The following ZNF462 variants were observed in gnomAD, a reference collection of about 807,000 sequenced individuals.
ZNF462 encodes zinc finger PBX1-interacting protein.
A neutral mutation model predicts 201.9 loss-of-function variants in ZNF462; 10 were observed. That is an observed-to-expected ratio of 0.05 (90% CI 0.03 to 0.08). ZNF462 has a LOEUF of 0.08. ZNF462 is among the 10% of genes least tolerant of loss of function. The pLI is 1.00. For synonymous variants in ZNF462, 1,227 were observed against 1,193.3 expected, an observed-to-expected ratio of 1.03 and a Z score of -0.58; for missense variants, 2,523 against 3,168.3, an observed-to-expected ratio of 0.80 and a Z score of 4.89.
chr9:106,869,841 A>G (rs919454610), intron 1 of ZNF462, among the ~76,000 whole-genome samples: 1 of 152,194 alleles, frequency 6.6e-6, no homozygotes, highest in African/African-American at 2.4e-5. Context: ...ACCCAGGAGA[A>G]GTTTCCAAAT....
Position 106,890,781 on chromosome 9 carries a change from C to T in ZNF462, c.-31+27426C>T, listed in dbSNP as rs1025016623. 6.6e-6 allele frequency among the ~76,000 whole-genome samples: 1 copy of T among 152,156 alleles called. No homozygotes were observed. The highest frequency in any genetic ancestry group is 6.5e-5 in the Admixed American group (1 of 15,272). On this transcript the variant is annotated intron_variant, in intron 1 of 12. Transcript: ENST00000277225. This position sits in a 1 kb window ranked among gnomAD's most constrained non-coding sequence, Gnocchi z 4.2. ...AAACAATATTGCATCGTAGGGAGTG[C>T]ATAGTAGACTATGTTGTTCAATTAT... is the stretch of plus-strand genomic sequence containing the variant.
At chr9:106,914,622 G>C (rs1347028085) in intron 1 of ZNF462, among the ~76,000 whole-genome samples, 1 of 152,132 alleles carries the variant, frequency 6.6e-6, no homozygotes, top group African/African-American at 2.4e-5. Context: ...ATATTTCTGA[G>C]TACCTGTTGA....
At chr9:106,965,742 A>T in intron 7 of ZNF462, among the ~76,000 whole-genome samples, 1 of 152,110 alleles carries the variant, frequency 6.6e-6, no homozygotes, top group East Asian at 1.9e-4. Flanking sequence ...TTTCAGCTTT[A>T]GATGAAGACT....
rs1207124017 is a variant in ZNF462 at position 106,966,236 on chromosome 9, C to G, written c.6428-5769C>G. 6.6e-6 allele frequency among the ~76,000 whole-genome samples: 1 copy of G among 152,066 alleles called. No homozygotes were observed. Among genetic ancestry groups the G allele is most frequent in the Non-Finnish European group, 1.5e-5 (1 of 67,986 alleles). ...AAATTGTCCCTTACACAACCTACCC[C>G]ACCCTCTGATGTACATGTTTTTCTG... On this transcript the variant is annotated intron_variant, in intron 7 of 12. Transcript: ENST00000277225. This position sits in a 1 kb window ranked among gnomAD's most constrained non-coding sequence, Gnocchi z 4.4.
chr9:106,873,044 A>T lies in ZNF462; in HGVS notation c.-31+9689A>T, dbSNP rs893140401. Among the ~76,000 whole-genome samples, 3 of 152,212 alleles carry T rather than the reference A, an allele frequency of 2.0e-5. No individual in the cohort carries two copies. In the South Asian group the frequency reaches 6.2e-4, roughly 32 times the overall value. ...CACATGGAGTGGGGACTGCCTCCAG[A>T]GGCCTGGCTCTCAGCTGATGGGACC... On this transcript the variant is annotated intron_variant, in intron 1 of 12. Transcript: ENST00000277225.
intron 1 of ZNF462, among the ~76,000 whole-genome samples, chr9:106,866,867 A>G (rs1469929485): frequency 6.6e-6 from 1 of 152,232 alleles, no homozygotes; most frequent in Non-Finnish European, 1.5e-5. Context: ...GTTTATGTAA[A>G]CATAAGTACA....
intron 10 of ZNF462, among the ~76,000 whole-genome samples, chr9:106,990,204 T>A (rs879698649): frequency 3.9e-5 from 6 of 152,132 alleles, no homozygotes; most frequent in Non-Finnish European, 8.8e-5. Context: ...GCCAGTTATT[T>A]AATTTCCATG....
Position 106,927,225 on chromosome 9 carries a change from C to T in ZNF462, c.3313C>T (p.Pro1105Ser), listed in dbSNP as rs943440345. The T allele has an allele frequency of 1.9e-6, 3 of 1,611,650 alleles. No homozygotes were observed. Among genetic ancestry groups the T allele is most frequent in the Non-Finnish European group, 1.7e-6 (2 of 1,179,344 alleles). Residue 1105 changes from proline to serine, a missense_variant, in exon 3 of 13, where the codon CCG (proline) becomes TCG (serine). Coordinates refer to ENST00000277225, the MANE Select transcript of ZNF462 (RefSeq NM_021224.6). ...GGGTTCCCCACCCCCCCCACAACCC[C>T]CGCCACCAGACCTCAGTACTGAGCT... The part of the protein sequence containing the change: ...NMGSPPPPQP[P>S]PPDLSTELYY...
intron 7 of ZNF462, among the ~76,000 whole-genome samples, chr9:106,942,534 A>G (rs527668001): frequency 7.2e-5 from 11 of 152,346 alleles, no homozygotes; most frequent in African/African-American, 2.6e-4. Flanking sequence ...ATGGGCAATG[A>G]CATGTAATTG....
At position 106,932,392 on chromosome 9, in the gene ZNF462, C is replaced by T. The variant is rs753129896; in HGVS notation, c.6013-54C>T. The stretch of plus-strand genomic sequence containing the variant: ...TGATGGAATGTTGGAGGATGAAACC[C>T]GGCCGGGGGGATACCATTGCAGTCA... On this transcript the variant is annotated intron_variant, in intron 4 of 12. Transcript: ENST00000277225. The surrounding 1 kb of genome is among the most constrained non-coding windows in gnomAD (Gnocchi z 6.8). 92 of 1,612,630 alleles carry T rather than the reference C, an allele frequency of 5.7e-5. No homozygotes were observed. The highest frequency in any genetic ancestry group is 2.4e-4 in the African/African-American group (18 of 74,864).
In ZNF462 at chr9:106,913,007, A is replaced by G. The variant is rs796558288; in HGVS notation, c.-30-10347A>G. ...AAAAAGGCTTTGTGGAGGGAAGGCA[A>G]CCAAATGGTCTCAAGTGTAGTCAGG... On this transcript the variant is annotated intron_variant, in intron 1 of 12. Coordinates refer to ENST00000277225, the MANE Select transcript of ZNF462 (RefSeq NM_021224.6). This position sits in a 1 kb window ranked among gnomAD's most constrained non-coding sequence, Gnocchi z 4.1. 5.9e-5 allele frequency among the ~76,000 whole-genome samples: 9 copies of G among 152,318 alleles called. No individual in the cohort carries two copies. The highest frequency in any genetic ancestry group is 2.2e-4 in the African/African-American group (9 of 41,582).
intron 7 of ZNF462, among the ~76,000 whole-genome samples, chr9:106,939,898 G>A (rs912327037): frequency 6.6e-6 from 1 of 152,210 alleles, no homozygotes; most frequent in African/African-American, 2.4e-5. Flanking sequence ...AGGAGAGGAA[G>A]TCTGCAGATT....
chr9:106,891,338 T>A (rs1437560016), intron 1 of ZNF462, among the ~76,000 whole-genome samples: 1 of 152,204 alleles, frequency 6.6e-6, no homozygotes, highest in Non-Finnish European at 1.5e-5. Context: ...GCGTTTTCTT[T>A]GTTTTCCCCC....
intron 1 of ZNF462, among the ~76,000 whole-genome samples, chr9:106,864,060 CT>C (rs1370182275): frequency 6.0e-4 from 52 of 86,440 alleles, no homozygotes; most frequent in African/African-American, 2.1e-3. Flanking sequence ...CTCTCTCTCT[CT>C]CTCTCTCTCT....
rs950895078 is a variant in ZNF462, at chr9:106,871,826, A to G, written c.-31+8471A>G. Reference sequence around the variant, plus strand: ...CAGAAAACAGCTGCATTATTAATGGACAGAAAATGTGATAGTCCTCTCTGA... The same window carrying G: ...CAGAAAACAGCTGCATTATTAATGGGCAGAAAATGTGATAGTCCTCTCTGA... On this transcript the variant is annotated intron_variant, in intron 1 of 12. Coordinates refer to ENST00000277225, the MANE Select transcript of ZNF462 (RefSeq NM_021224.6). Among the ~76,000 whole-genome samples, 134 of 152,324 alleles carry G rather than the reference A, an allele frequency of 8.8e-4. 1 individual carries two copies. The highest frequency in any genetic ancestry group is 3.1e-3 in the African/African-American group (130 of 41,578).
intron 1 of ZNF462, among the ~76,000 whole-genome samples, chr9:106,875,525 T>C (rs1827792221): frequency 6.6e-6 from 1 of 152,212 alleles, no homozygotes; most frequent in African/African-American, 2.4e-5. Context: ...ATCACTAAGA[T>C]TTGAGGGAAC....
intron 1 of ZNF462, among the ~76,000 whole-genome samples, chr9:106,918,193 C>G (rs1187228139): frequency 6.6e-6 from 1 of 152,130 alleles, no homozygotes; most frequent in Non-Finnish European, 1.5e-5. Flanking sequence ...TATTGTTTTA[C>G]ACTATAACAT....
intron 7 of ZNF462, among the ~76,000 whole-genome samples, chr9:106,941,643 A>G (rs1353718040): frequency 6.6e-6 from 1 of 152,196 alleles, no homozygotes; most frequent in African/African-American, 2.4e-5. Flanking sequence ...ATATCAATGG[A>G]TCAGCAGTGA....
intron 1 of ZNF462, among the ~76,000 whole-genome samples, chr9:106,909,171 C>A (rs1342452000): frequency 2.6e-5 from 4 of 151,062 alleles, no homozygotes; most frequent in Admixed American, 1.3e-4. Flanking sequence ...CCATGTTGGC[C>A]AGACTGGTCT....
Sources: allele counts gnomAD v4.1 joint callset (sites outside exome capture counted in the v4.1 genomes callset), GRCh38; gene constraint gnomAD v4.1.1; non-coding constraint Gnocchi (gnomAD v3.1); transcripts MANE v1.5; gene names NCBI Gene and HGNC (gene_info 2026-07-23, HGNC 2026-07-21).